Variants in PIK3AP1 observed in about 807,000 individuals in gnomAD.
PIK3AP1 encodes phosphoinositide-3-kinase adaptor protein 1.
Under a neutral mutation model 88.1 loss-of-function variants are expected in PIK3AP1, and 21 were observed. The observed-to-expected ratio is 0.24, with a 90% confidence interval of 0.17 to 0.34. PIK3AP1 has a LOEUF of 0.34. Ranked by LOEUF, PIK3AP1 falls within the 10% of genes least tolerant of loss-of-function variation. The pLI is 1.00. For synonymous variants in PIK3AP1, 398 were observed against 400.0 expected (o/e 1.00, Z 0.06); for missense variants, 828 against 1,035.7 (o/e 0.80, Z 2.75).
chr10:96,604,868 T>G (rs1186067452), intron 14 of PIK3AP1, among the ~76,000 whole-genome samples: 1 of 152,064 alleles, frequency 6.6e-6, no homozygotes, highest in Admixed American at 6.6e-5. Context: ...GTATAATTTT[T>G]TTTTTCCCCG....
intron 8 of PIK3AP1, among the ~76,000 whole-genome samples, chr10:96,640,657 G>A (rs1843371992): frequency 6.6e-6 from 1 of 151,856 alleles, no homozygotes; most frequent in South Asian, 2.1e-4. Context: ...AATATGTGGG[G>A]TCTTTTTTTT....
Position 96,651,311 on chromosome 10 carries a change from T to C in PIK3AP1, c.925A>G (p.Ile309Val). The C allele has an allele frequency of 1.9e-6, 3 of 1,614,206 alleles. No individual in the cohort carries two copies. Among genetic ancestry groups the C allele is most frequent in the Non-Finnish European group, 2.5e-6 (3 of 1,180,024 alleles). The change falls in exon 6 of 17, where the codon ATC becomes GTC. Residue 309 changes from isoleucine (I) to valine (V), a missense_variant. Physicochemically the swap from Ile to Val is conservative, Grantham distance 29. Around this residue, in one of 3 missense-constraint regions of PIK3AP1, gnomAD observed 610 missense variants for 760.1 expected, o/e 0.80. Coordinates refer to ENST00000339364, the MANE Select transcript of PIK3AP1 (RefSeq NM_152309.3). ...KLLTESLKNN[I>V]PASGLHLFGI... ...AAGAGGTGCAGTCCGCTTGCAGGGA[T>C]ATTGTTCTTCAGGGATTCGGTTAGC...
chr10:96,629,020 C>T (rs1454798469), intron 8 of PIK3AP1, among the ~76,000 whole-genome samples: 4 of 150,162 alleles, frequency 2.7e-5, no homozygotes, highest in African/African-American at 9.8e-5. Context: ...GCCATCCTCC[C>T]GCCTCAGCCT....
chr10:96,694,624 C>G (rs901562973), intron 2 of PIK3AP1, among the ~76,000 whole-genome samples: 2 of 150,284 alleles, frequency 1.3e-5, no homozygotes, highest in South Asian at 2.1e-4. Context: ...GTCTTGGATT[C>G]CTGAGCTCAA....
chr10:96,698,377 G>A (rs12266992), intron 2 of PIK3AP1, among the ~76,000 whole-genome samples: 275 of 152,250 alleles, frequency 1.8e-3, no homozygotes, highest in African/African-American at 5.7e-3. Context: ...TAGGCCGGAC[G>A]CTGTGGCTCA....
intron 1 of PIK3AP1, among the ~76,000 whole-genome samples, chr10:96,712,343 G>T (rs1366043022): frequency 6.6e-6 from 1 of 152,172 alleles, no homozygotes; most frequent in Admixed American, 6.5e-5. Flanking sequence ...TCTGATCACG[G>T]TCTGTTCCCT....
intron 8 of PIK3AP1, 37 bp from the exon 9 acceptor site, chr10:96,628,530 C>A: frequency 6.6e-7 from 1 of 1,518,018 alleles, no homozygotes; most frequent in South Asian, 1.1e-5. Flanking sequence ...ATATATTGGT[C>A]TCCTCCACAG....
rs149084828 is a variant in PIK3AP1, at chr10:96,687,462, G to C, written c.430+22105C>G. On this transcript the variant is annotated intron_variant, in intron 2 of 16. Transcript: ENST00000339364. ...CACTTCCAAATGTCCACTCTGCAGT[G>C]ATTTTGGGTTGTGTAATCATTACCA... Among the ~76,000 whole-genome samples the C allele has an allele frequency of 2.5e-3, 382 of 152,150 alleles. 1 individual carries two copies. The highest frequency in any genetic ancestry group is 8.9e-3 in the African/African-American group (368 of 41,516).
chr10:96,698,733 A>AAAAT (rs913937319), intron 2 of PIK3AP1, among the ~76,000 whole-genome samples: 26 of 151,694 alleles, frequency 1.7e-4, no homozygotes, highest in East Asian at 5.9e-4. Flanking sequence ...ACTCTGTCTC[A>AAAAT]AAATAAATAA....
At chr10:96,678,428 C>T (rs898936033) in intron 2 of PIK3AP1, among the ~76,000 whole-genome samples, 7 of 151,662 alleles carry the variant, frequency 4.6e-5, no homozygotes, top group Non-Finnish European at 1.0e-4. Context: ...GAGTGAGATC[C>T]TGTCTCAAAA....
chr10:96,598,609 G>A (rs1848825683), intron 16 of PIK3AP1, among the ~76,000 whole-genome samples: 1 of 151,370 alleles, frequency 6.6e-6, no homozygotes, highest in Admixed American at 6.6e-5. Context: ...ATTCATTGAG[G>A]AGACACATCT....
intron 8 of PIK3AP1, among the ~76,000 whole-genome samples, chr10:96,631,576 T>G (rs1049341733): frequency 2.2e-4 from 34 of 152,096 alleles, no homozygotes; most frequent in Admixed American, 5.9e-4. Context: ...GGGGAGGAGT[T>G]AAAGAAAGAA....
intron 2 of PIK3AP1, among the ~76,000 whole-genome samples, chr10:96,677,626 C>G (rs867686805): frequency 2.0e-5 from 3 of 146,412 alleles, no homozygotes; most frequent in African/African-American, 7.7e-5. Flanking sequence ...CACACACACA[C>G]AAAAGGCCTT....
At chr10:96,608,671 G>A (rs1361992084) in intron 14 of PIK3AP1, among the ~76,000 whole-genome samples, 2 of 152,210 alleles carry the variant, frequency 1.3e-5, no homozygotes, top group Admixed American at 1.3e-4. Flanking sequence ...GTGTGTGTGT[G>A]CCCACAGACA....
intron 1 of PIK3AP1, among the ~76,000 whole-genome samples, chr10:96,711,789 C>T (rs559629640): frequency 1.6e-5 from 2 of 121,778 alleles, no homozygotes; most frequent in Non-Finnish European, 3.1e-5. Context: ...CTCGCTCTGT[C>T]GCCCAGGCTG....
Position 96,720,456 on chromosome 10 carries a change from C to T in PIK3AP1, c.-62G>A, listed in dbSNP as rs1844557146. The T allele has an allele frequency of 9.1e-6, 11 of 1,211,684 alleles. No individual in the cohort carries two copies. Among genetic ancestry groups the T allele is most frequent in the Non-Finnish European group, 1.1e-5 (11 of 973,060 alleles). The allele number at this position is 1,211,684 out of a possible 1,614,324, so 75.1% of individuals were successfully genotyped here. On this transcript the variant is annotated 5_prime_UTR_variant, in exon 1 of 17. Coordinates refer to ENST00000339364, the MANE Select transcript of PIK3AP1 (RefSeq NM_152309.3). The surrounding 1 kb of genome is among the most constrained non-coding windows in gnomAD (Gnocchi z 4.6). ...TGCCCGGGGCCGGGACCGGGGCCGGCGGCGTCCTGGCTCGGGCTGGAGGGG... is the reference window on the plus strand; with the variant it reads ...TGCCCGGGGCCGGGACCGGGGCCGGTGGCGTCCTGGCTCGGGCTGGAGGGG...
At chr10:96,633,102 A>G (rs1843268638) in intron 8 of PIK3AP1, 4 of 1,533,110 alleles carry the variant, frequency 2.6e-6, no homozygotes, top group African/African-American at 2.7e-5. Flanking sequence ...CCAGAGGCGG[A>G]GCTTCCAGGG....
chr10:96,620,477 G>A lies in PIK3AP1; in HGVS notation c.1816C>T (p.Arg606Trp), dbSNP rs1255769798. Residue 606 changes from arginine (R) to tryptophan (W), a missense_variant, in exon 12 of 17, where the codon CGG becomes TGG. Arg to Trp is a moderately radical substitution (Grantham distance 101). Transcript: ENST00000339364. ...PFAGMKTPGQ[R>W]QLITLQEQVK... ...TGCTCCTGGAGGGTGATAAGCTGCC[G>A]CTGGCCTGGCGTTTTCATTCCCGCA... 1.9e-6 allele frequency: 3 copies of A among 1,614,102 alleles called. No individual in the cohort carries two copies. The highest frequency in any genetic ancestry group is 2.5e-6 in the Non-Finnish European group (3 of 1,180,028).
chr10:96,687,588 G>C (rs1201458315), intron 2 of PIK3AP1, among the ~76,000 whole-genome samples: 1 of 152,070 alleles, frequency 6.6e-6, no homozygotes, highest in Non-Finnish European at 1.5e-5. Context: ...AGTCACCCAC[G>C]CTCAAAATCT....
Sources: allele counts gnomAD v4.1 joint callset (sites outside exome capture counted in the v4.1 genomes callset), GRCh38; gene constraint gnomAD v4.1.1; regional missense constraint gnomAD v4.1.1; non-coding constraint Gnocchi (gnomAD v3.1); transcripts MANE v1.5; gene names NCBI Gene and HGNC (gene_info 2026-07-23, HGNC 2026-07-21).